The following CUBN variants were observed in gnomAD, a reference collection of about 807,000 sequenced individuals.
CUBN encodes 460 kDa receptor.
Under a neutral mutation model 405.3 loss-of-function variants are expected in CUBN, and 282 were observed. The observed-to-expected ratio is 0.70, with a 90% CI of 0.63 to 0.77. The LOEUF is 0.77. Among genes scored for constraint, CUBN ranks in the 30% least tolerant of loss-of-function variants. CUBN has a pLI of 0.00. For missense variants in CUBN, 4,514 were observed against 4,475.2 expected (o/e 1.01, Z -0.25); for synonymous variants, 1,684 against 1,617.0 (o/e 1.04, Z -0.99).
At chr10:16,875,575 T>A (rs1198234975) in intron 57 of CUBN, among the ~76,000 whole-genome samples, 1 of 152,184 alleles carries the variant, frequency 6.6e-6, no homozygotes, top group African/African-American at 2.4e-5. Flanking sequence ...TAAGTACTTG[T>A]GTGTTCAGAC....
rs767327978 is a variant in CUBN at position 16,890,480 on chromosome 10, G to A, written c.8646C>T (p.Gly2882=). 1 of 1,614,178 alleles carries A rather than the reference G, an allele frequency of 6.2e-7. No homozygotes were observed. Among genetic ancestry groups the A allele is most frequent in the South Asian group, 1.1e-5 (1 of 91,084 alleles). ...EEVDKALLAT[G]CGNVAPGPVI... The stretch of plus-strand genomic sequence containing the variant: ...CGGGACCCGGAGCCACGTTCCCACA[G>A]CCAGTGGCTAGCAGGGCTTTGTCCA... Residue 2882 remains glycine, a synonymous_variant, in exon 55 of 67, where the codon GGC becomes GGT. Transcript: ENST00000377833.
At chr10:16,988,866 G>A (rs551605058) in intron 29 of CUBN, among the ~76,000 whole-genome samples, 2 of 152,082 alleles carry the variant, frequency 1.3e-5, no homozygotes, top group African/African-American at 2.4e-5. Context: ...CTTTTTGAGC[G>A]TTAGTTTTGA....
At chr10:16,962,339 G>A (rs1843250392) in intron 31 of CUBN, among the ~76,000 whole-genome samples, 1 of 152,026 alleles carries the variant, frequency 6.6e-6, no homozygotes, top group African/African-American at 2.4e-5. Flanking sequence ...AGAAAGCTAT[G>A]GAGGCAAAAA....
At chr10:16,856,313 G>C (rs560955851) in intron 59 of CUBN, among the ~76,000 whole-genome samples, 1 of 152,020 alleles carries the variant, frequency 6.6e-6, no homozygotes, top group East Asian at 1.9e-4. Flanking sequence ...CACACCCTGC[G>C]TCCAAGAACA....
chr10:17,085,201 T>A (rs1298149975), intron 16 of CUBN, among the ~76,000 whole-genome samples: 2 of 152,194 alleles, frequency 1.3e-5, no homozygotes, highest in East Asian at 3.9e-4. Context: ...GACACTGTGA[T>A]GCTGGAAGCC....
Position 17,046,007 on chromosome 10 carries a change from T to C in CUBN, c.3417A>G (p.Leu1139=), listed in dbSNP as rs1801228. ...PPTIISHSNK[L]WLKFKSDQID... ...TTTGGTCACTCTTAAATTTTAACCATAGTTTGTTACTATGAGAGATGATTG... is the reference window on the plus strand; with the variant it reads ...TTTGGTCACTCTTAAATTTTAACCACAGTTTGTTACTATGAGAGATGATTG... The change falls in exon 24 of 67, where the codon CTA becomes CTG. Residue 1139 remains leucine (L), a synonymous_variant. Coordinates refer to ENST00000377833, the MANE Select transcript of CUBN (RefSeq NM_001081.4). 0.044 allele frequency: 71,064 copies of C among 1,613,820 alleles called. 3,217 individuals carry two copies. Among genetic ancestry groups the C allele is most frequent in the South Asian group, 0.21 (18,845 of 91,058 alleles).
intron 60 of CUBN, among the ~76,000 whole-genome samples, chr10:16,846,542 G>A (rs1306090580): frequency 1.3e-5 from 2 of 152,112 alleles, no homozygotes; most frequent in African/African-American, 4.8e-5. Flanking sequence ...ATGAAAAGGG[G>A]CAGTGACACC....
At chr10:17,129,276 A>C in intron 1 of CUBN, 26 bp from the exon 2 acceptor site, 1 of 1,610,968 alleles carries the variant, frequency 6.2e-7, no homozygotes, top group Non-Finnish European at 8.5e-7. Context: ...GAGAGAATGC[A>C]TCAGTAATTA....
intron 46 of CUBN, among the ~76,000 whole-genome samples, 199 bp from the exon 47 acceptor site, chr10:16,915,371 C>T (rs1434078600): frequency 1.3e-5 from 2 of 152,064 alleles, no homozygotes; most frequent in African/African-American, 4.8e-5. Context: ...GAAAAAAATG[C>T]AACCAATTAG....
chr10:16,867,496 T>C (rs965055804), intron 59 of CUBN, among the ~76,000 whole-genome samples: 1 of 152,232 alleles, frequency 6.6e-6, no homozygotes, highest in Non-Finnish European at 1.5e-5. Flanking sequence ...ACCACTGCAA[T>C]GCAAAATCAT....
chr10:17,129,402 T>C, intron 1 of CUBN, 152 bp from the exon 2 acceptor site: 1 of 1,019,638 alleles, frequency 9.8e-7, no homozygotes, highest in African/African-American at 1.6e-5. Context: ...CTGCCACTTT[T>C]TTCTCTGCAC....
chr10:16,994,504 C>A (rs1833677433), intron 28 of CUBN, among the ~76,000 whole-genome samples: 1 of 152,186 alleles, frequency 6.6e-6, no homozygotes, highest in South Asian at 2.1e-4. Context: ...ATATTTGCGA[C>A]TCTGGATGCA....
intron 17 of CUBN, among the ~76,000 whole-genome samples, chr10:17,078,965 C>A (rs556513941): frequency 6.6e-6 from 1 of 152,252 alleles, no homozygotes; most frequent in African/African-American, 2.4e-5. Flanking sequence ...GCAACTCCTT[C>A]AAACACAGCA....
intron 54 of CUBN, among the ~76,000 whole-genome samples, chr10:16,891,032 C>T (rs555094783): frequency 2.0e-4 from 31 of 152,258 alleles, no homozygotes; most frequent in Non-Finnish European, 3.8e-4. Flanking sequence ...CAGAACACTT[C>T]TTGGCTGTGT....
intron 66 of CUBN, 70 bp downstream of exon 66, chr10:16,828,735 A>T (rs1838872501): frequency 2.4e-6 from 3 of 1,227,778 alleles, no homozygotes; most frequent in Admixed American, 3.6e-5. Context: ...AAAAAAAAAA[A>T]GTCTACACTA....
intron 31 of CUBN, chr10:16,966,127 C>G (rs1407051396): frequency 2.6e-6 from 1 of 389,068 alleles, no homozygotes; most frequent in Admixed American, 3.2e-5. Context: ...TCCTTTGCAT[C>G]TGAACCTGCA....
intron 54 of CUBN, among the ~76,000 whole-genome samples, chr10:16,895,833 C>T (rs1427597149): frequency 6.6e-6 from 1 of 152,056 alleles, no homozygotes; most frequent in Admixed American, 6.6e-5. Context: ...GCTTGATAAC[C>T]TGTATTGTGA....
Position 16,913,355 on chromosome 10 carries a change from A to T in CUBN, c.7533+456T>A, listed in dbSNP as rs574789556. Among the ~76,000 whole-genome samples, 156 of 152,218 alleles carry T rather than the reference A, an allele frequency of 1.0e-3. 5 individuals are homozygous for T. The South Asian group carries it at 0.032, about 31-fold the overall frequency. ...GAGTGCTGAAGACACATGTGAAACCACTGGAGGTTGGTGACATGGAGGTCA... is the reference window on the plus strand; with the variant it reads ...GAGTGCTGAAGACACATGTGAAACCTCTGGAGGTTGGTGACATGGAGGTCA... On this transcript the variant is annotated intron_variant, in intron 48 of 66. Coordinates refer to ENST00000377833, the MANE Select transcript of CUBN (RefSeq NM_001081.4).
chr10:16,931,258 CG>C (rs1180733311), intron 40 of CUBN, among the ~76,000 whole-genome samples: 4 of 148,084 alleles, frequency 2.7e-5, no homozygotes, highest in Non-Finnish European at 6.0e-5. Flanking sequence ...AGTGAGACTC[CG>C]TCTCAAAAAA....
Sources: gnomAD v4.1 joint callset for allele counts (sites outside exome capture counted in the v4.1 genomes callset) on GRCh38, gnomAD v4.1.1 for gene constraint, MANE v1.5 for transcripts, NCBI Gene and HGNC (gene_info 2026-07-23, HGNC 2026-07-21) for gene names.